Variants in RIMS1 observed in about 807,000 individuals in gnomAD.
RIMS1 encodes regulating synaptic membrane exocytosis 1.
A neutral mutation model predicts 214.1 loss-of-function variants in RIMS1; 83 were observed. The observed-to-expected ratio is 0.39, with a 90% CI of 0.32 to 0.47. RIMS1 has a LOEUF of 0.47. RIMS1 is among the 20% of genes least tolerant of loss of function. RIMS1 has a pLI of 0.99. For missense variants in RIMS1, 2,050 were observed against 2,161.8 expected (o/e 0.95, Z 1.03); for synonymous variants, 793 against 786.8 (o/e 1.01, Z -0.13).
chr6:72,112,884 T>G (rs1171770947), intron 4 of RIMS1, among the ~76,000 whole-genome samples: 1 of 152,186 alleles, frequency 6.6e-6, no homozygotes, highest in Non-Finnish European at 1.5e-5. Context: ...GCCAACAAAC[T>G]TGCCTGGCAC....
At chr6:71,910,582 G>A (rs536924305) in intron 1 of RIMS1, among the ~76,000 whole-genome samples, 1 of 152,078 alleles carries the variant, frequency 6.6e-6, no homozygotes, top group Non-Finnish European at 1.5e-5. Context: ...CCTTCACTGT[G>A]TTCTGTATCC....
rs759415614 is a variant in RIMS1, at chr6:71,929,403, A to G, written c.165-39580A>G. On this transcript the variant is annotated intron_variant, in intron 1 of 33. Transcript: ENST00000521978. ...AAAACTCTTATATGCCACATTTAGA[A>G]CAAAGTACATTTTATTTGGAGAAGT... is the stretch of plus-strand genomic sequence containing the variant. Among the ~76,000 whole-genome samples the G allele has an allele frequency of 2.8e-4, 42 of 152,178 alleles. 2 individuals carry two copies. The highest frequency in any genetic ancestry group is 2.9e-5 in the Non-Finnish European group (2 of 68,002).
At chr6:72,259,677 T>G (rs1353452988) in intron 18 of RIMS1, among the ~76,000 whole-genome samples, 1 of 152,128 alleles carries the variant, frequency 6.6e-6, no homozygotes, top group Non-Finnish European at 1.5e-5. Flanking sequence ...TCTGCATTTG[T>G]GAACTAATAT....
At chr6:72,307,753 CAAAAA>C (rs1211248892) in intron 27 of RIMS1, among the ~76,000 whole-genome samples, 1 of 151,284 alleles carries the variant, frequency 6.6e-6, no homozygotes, top group South Asian at 2.1e-4. Flanking sequence ...TCTAAAAAAA[CAAAAA>C]AAGAAAAGGT....
chr6:71,901,015 G>A (rs1348973876), intron 1 of RIMS1, among the ~76,000 whole-genome samples: 1 of 152,022 alleles, frequency 6.6e-6, no homozygotes, highest in Admixed American at 6.6e-5. Context: ...AACCAGGAGA[G>A]CCTTGTCTCA....
chr6:72,070,911 G>A lies in RIMS1; in HGVS notation c.246-26038G>A, dbSNP rs1830437369. ...CCAACTGTTTTTGTATAGCCTGTGA[G>A]GTATGAATGACTTCTACATTTTTAA... On this transcript the variant is annotated intron_variant, in intron 2 of 33. Transcript: ENST00000521978. Among the ~76,000 whole-genome samples the A allele has an allele frequency of 2.0e-5, 3 of 152,022 alleles. No individual in the cohort carries two copies. The South Asian group carries it at 6.2e-4, about 32-fold the overall frequency.
chr6:71,922,961 C>T (rs1366511219), intron 1 of RIMS1, among the ~76,000 whole-genome samples: 4 of 151,192 alleles, frequency 2.6e-5, no homozygotes, highest in Admixed American at 6.6e-5. Flanking sequence ...TCCATAAAAA[C>T]GATAGCTTAA....
chr6:71,958,461 A>C (rs1414811443), intron 1 of RIMS1, among the ~76,000 whole-genome samples: 1 of 152,138 alleles, frequency 6.6e-6, no homozygotes, highest in East Asian at 1.9e-4. Context: ...ACTCAGTCTG[A>C]AATTATTTCT....
At chr6:72,074,638 C>T (rs1245898949) in intron 2 of RIMS1, among the ~76,000 whole-genome samples, 1 of 152,180 alleles carries the variant, frequency 6.6e-6, no homozygotes, top group Non-Finnish European at 1.5e-5. Flanking sequence ...GCATTCCAGC[C>T]TGGGCATGAG....
At chr6:72,184,122 A>C (rs1221716963) in intron 6 of RIMS1, among the ~76,000 whole-genome samples, 1 of 152,156 alleles carries the variant, frequency 6.6e-6, no homozygotes, top group African/African-American at 2.4e-5. Context: ...TTCTCCAGTA[A>C]ATTGCGTGGT....
chr6:71,935,214 T>A (rs1385524774), intron 1 of RIMS1, among the ~76,000 whole-genome samples: 2 of 152,204 alleles, frequency 1.3e-5, no homozygotes, highest in African/African-American at 4.8e-5. Flanking sequence ...GGTGTTATAT[T>A]GAAAACTCTT....
In RIMS1 at chr6:72,096,925, G is replaced by T. The variant is rs188945948; in HGVS notation, c.246-24G>T. ...TTGTCTTCCACTATTTACTTAGTTT[G>T]CTACCATTTTCTCTTTTGCCTAGGA... is the stretch of plus-strand genomic sequence containing the variant. On this transcript the variant is annotated intron_variant, in intron 2 of 33. Coordinates refer to ENST00000521978, the MANE Select transcript of RIMS1 (RefSeq NM_014989.7). 9.4e-4 allele frequency: 1,484 copies of T among 1,583,132 alleles called. 17 individuals carry two copies. The African/African-American group carries it at 0.017, about 18-fold the overall frequency.
At chr6:72,164,244 G>A (rs545157769) in intron 4 of RIMS1, among the ~76,000 whole-genome samples, 13 of 152,222 alleles carry the variant, frequency 8.5e-5, no homozygotes, top group South Asian at 2.1e-4. Flanking sequence ...TTGGCAAAGC[G>A]CAGTATTAGG....
intron 4 of RIMS1, among the ~76,000 whole-genome samples, chr6:72,109,841 C>T (rs944523219): frequency 6.6e-6 from 1 of 151,956 alleles, no homozygotes; most frequent in Non-Finnish European, 1.5e-5. Flanking sequence ...TTAGGTCTAA[C>T]GTTTAAGTCT....
chr6:72,379,313 T>C (rs2098445784), intron 29 of RIMS1, among the ~76,000 whole-genome samples: 1 of 152,214 alleles, frequency 6.6e-6, no homozygotes, highest in Non-Finnish European at 1.5e-5. Flanking sequence ...TCTCCTATCC[T>C]AGACCCAAAG....
chr6:72,265,939 G>T (rs1222100276), intron 21 of RIMS1, 21 bp from the exon 22 acceptor site: 7 of 1,520,870 alleles, frequency 4.6e-6, no homozygotes, highest in Non-Finnish European at 6.3e-6. Context: ...TCTACCACTG[G>T]ATGCAATGCA....
intron 6 of RIMS1, among the ~76,000 whole-genome samples, chr6:72,211,315 G>A (rs1050932936): frequency 2.0e-5 from 3 of 152,094 alleles, no homozygotes; most frequent in Non-Finnish European, 4.4e-5. Context: ...GTTCTACCTG[G>A]GCAGTCTTCA....
chr6:72,009,494 T>TA (rs1366191999), intron 2 of RIMS1, among the ~76,000 whole-genome samples: 3 of 151,742 alleles, frequency 2.0e-5, no homozygotes, highest in Non-Finnish European at 4.4e-5. Context: ...CTGAAGGAAA[T>TA]AGAGACACAA....
chr6:72,208,976 T>G (rs1428729110), intron 6 of RIMS1, among the ~76,000 whole-genome samples: 3 of 151,558 alleles, frequency 2.0e-5, no homozygotes, highest in Admixed American at 2.0e-4. Flanking sequence ...GCTCTGTAGC[T>G]TAGAAGACAT....
Sources: gnomAD v4.1 joint callset for allele counts (sites outside exome capture counted in the v4.1 genomes callset) on GRCh38, gnomAD v4.1.1 for gene constraint, MANE v1.5 for transcripts, NCBI Gene and HGNC (gene_info 2026-07-23, HGNC 2026-07-21) for gene names.